The following CNTNAP2 variants were observed in gnomAD, a reference collection of about 807,000 sequenced individuals.
CNTNAP2 encodes contactin-associated protein-like 2.
A neutral mutation model predicts 155.2 loss-of-function variants in CNTNAP2; 98 were observed. The observed-to-expected ratio is 0.63, with a 90% CI of 0.54 to 0.75. The LOEUF (loss-of-function observed/expected upper bound fraction) is 0.75. Among genes scored for constraint, CNTNAP2 ranks in the 30% least tolerant of loss-of-function variants. CNTNAP2 has a pLI of 0.00. For synonymous variants in CNTNAP2, 651 were observed against 631.2 expected (o/e 1.03, Z -0.47); for missense variants, 1,727 against 1,688.1 (o/e 1.02, Z -0.40).
At chr7:148,157,887 C>A (rs142915393) in intron 17 of CNTNAP2, among the ~76,000 whole-genome samples, 9 of 152,180 alleles carry the variant, frequency 5.9e-5, no homozygotes, top group Non-Finnish European at 1.3e-4. Context: ...ATCAATCGAC[C>A]ATATGCAAAG....
chr7:147,668,594 C>CA (rs1265908489), intron 13 of CNTNAP2, among the ~76,000 whole-genome samples: 1 of 149,774 alleles, frequency 6.7e-6, no homozygotes, highest in Non-Finnish European at 1.5e-5. Context: ...TAGTTTTTAA[C>CA]AAAAAAGTTT....
intron 18 of CNTNAP2, among the ~76,000 whole-genome samples, chr7:148,176,820 A>C (rs1794947263): frequency 6.6e-6 from 1 of 152,158 alleles, no homozygotes; most frequent in South Asian, 2.1e-4. Flanking sequence ...GCTGAGGCTG[A>C]GGGGAGAATC....
In CNTNAP2 at chr7:147,831,090, T is replaced by G. The variant is rs189958191; in HGVS notation, c.2099-72475T>G. Among the ~76,000 whole-genome samples, 518 of 152,268 alleles carry G rather than the reference T, an allele frequency of 3.4e-3. 22 individuals are homozygous for G. The South Asian group carries it at 0.088, about 26-fold the overall frequency. ...AGTTAATAATCTCCTGAGACACAAA[T>G]ATGCCTGGTAATATGAGAACAATAA... is the stretch of plus-strand genomic sequence containing the variant. On this transcript the variant is annotated intron_variant, in intron 13 of 23. Transcript: ENST00000361727.
At chr7:148,132,444 TTTC>T (rs1804851709) in intron 16 of CNTNAP2, among the ~76,000 whole-genome samples, 1 of 152,010 alleles carries the variant, frequency 6.6e-6, no homozygotes, top group Non-Finnish European at 1.5e-5. Flanking sequence ...GCTCTAGAAG[TTTC>T]TGATCTAGTT....
intron 1 of CNTNAP2, among the ~76,000 whole-genome samples, chr7:146,338,887 T>TTA (rs141799185): frequency 0.046 from 7,038 of 151,764 alleles, 337 homozygotes; most frequent in African/African-American, 0.12. Context: ...ATTTTTTTTT[T>TTA]AAAAAAGGTT....
Position 146,691,853 on chromosome 7 carries a change from A to G in CNTNAP2, c.98-82418A>G, listed in dbSNP as rs143164023. Among the ~76,000 whole-genome samples, 351 of 152,230 alleles carry G rather than the reference A, an allele frequency of 2.3e-3. 2 individuals carry two copies. The highest frequency in any genetic ancestry group is 6.2e-3 in the African/African-American group (257 of 41,564). ...TAAATTCAACAGTGTTCAGAGATGTATAAAATGGGCAAATTCAGTGACTAC... is the reference window on the plus strand; with the variant it reads ...TAAATTCAACAGTGTTCAGAGATGTGTAAAATGGGCAAATTCAGTGACTAC... On this transcript the variant is annotated intron_variant, in intron 1 of 23. Coordinates refer to ENST00000361727, the MANE Select transcript of CNTNAP2 (RefSeq NM_014141.6).
intron 4 of CNTNAP2, among the ~76,000 whole-genome samples, chr7:147,049,080 G>A (rs1799421595): frequency 6.6e-6 from 1 of 152,138 alleles, no homozygotes; most frequent in African/African-American, 2.4e-5. Flanking sequence ...CCTGCATCTG[G>A]CGAAGGCCTT....
At chr7:146,361,861 T>G (rs906161473) in intron 1 of CNTNAP2, among the ~76,000 whole-genome samples, 2 of 152,198 alleles carry the variant, frequency 1.3e-5, no homozygotes, top group South Asian at 4.1e-4. Context: ...TACTGCATAT[T>G]TGAAGTTTTG....
chr7:146,739,213 A>T (rs1801669232), intron 1 of CNTNAP2, among the ~76,000 whole-genome samples: 1 of 151,742 alleles, frequency 6.6e-6, no homozygotes, highest in Non-Finnish European at 1.5e-5. Context: ...AAGTTTCTTG[A>T]GGTGCAATGT....
chr7:147,856,045 T>C (rs753255409), intron 13 of CNTNAP2, among the ~76,000 whole-genome samples: 1 of 152,154 alleles, frequency 6.6e-6, no homozygotes, highest in Admixed American at 6.5e-5. Context: ...AGAGCTCTGC[T>C]TGATTAGTTT....
At chr7:146,398,184 C>CTTTTTTTT (rs34144986) in intron 1 of CNTNAP2, among the ~76,000 whole-genome samples, 2 of 107,052 alleles carry the variant, frequency 1.9e-5, no homozygotes, top group Non-Finnish European at 1.8e-5. Flanking sequence ...CGGCCCCAAA[C>CTTTTTTTT]TTTTTTTTTT....
chr7:147,978,036 A>C (rs773018415), intron 15 of CNTNAP2, 47 bp downstream of exon 15: 1 of 1,611,444 alleles, frequency 6.2e-7, no homozygotes, highest in Non-Finnish European at 8.5e-7. Flanking sequence ...ATCCCATTTA[A>C]ATATTGTTTC....
At chr7:148,009,639 T>C (rs1448851450) in intron 15 of CNTNAP2, among the ~76,000 whole-genome samples, 1 of 152,138 alleles carries the variant, frequency 6.6e-6, no homozygotes, top group Admixed American at 6.5e-5. Flanking sequence ...TGTGTGTATG[T>C]GTATGTGTGT....
chr7:147,603,762 A>T (rs1157567843), intron 12 of CNTNAP2, among the ~76,000 whole-genome samples: 1 of 152,124 alleles, frequency 6.6e-6, no homozygotes, highest in African/African-American at 2.4e-5. Flanking sequence ...CCACATCACC[A>T]AGTCAATCCT....
chr7:147,225,878 AGAAG>A (rs3084356), intron 8 of CNTNAP2, among the ~76,000 whole-genome samples: 32,591 of 111,406 alleles, frequency 0.29, 5,076 homozygotes, highest in East Asian at 0.7. Flanking sequence ...AAGGAGGGAA[AGAAG>A]GAAGGAAGGA....
chr7:148,135,378 G>A (rs933211829), intron 16 of CNTNAP2, among the ~76,000 whole-genome samples: 1 of 152,124 alleles, frequency 6.6e-6, no homozygotes, highest in African/African-American at 2.4e-5. Context: ...CCTTGCTGTT[G>A]GGCTTAACTT....
rs794727873 is a variant in CNTNAP2, at chr7:147,128,832, A to G, written c.1079A>G (p.Asn360Ser). 5 of 1,613,882 alleles carry G rather than the reference A, an allele frequency of 3.1e-6. 1 individual carries two copies. In the Admixed American group the frequency reaches 8.3e-5, roughly 27 times the overall value. The change falls in exon 7 of 24, where the codon AAT (asparagine) becomes AGT (serine). Residue 360 changes from asparagine (N) to serine (S), a missense_variant. Physicochemically the swap from Asn to Ser is conservative, Grantham distance 46. Transcript: ENST00000361727. ...LARRKKLEPSNVGNLSFSCVE... is the reference protein window; with the variant it reads ...LARRKKLEPSSVGNLSFSCVE... ...AGAAGGAAGAAATTAGAGCCCTCAA[A>G]TGTGGTAAGGATTTTCACCCGCAAA...
At chr7:147,007,720 C>A (rs1798550251) in intron 3 of CNTNAP2, among the ~76,000 whole-genome samples, 1 of 151,066 alleles carries the variant, frequency 6.6e-6, no homozygotes, top group South Asian at 2.1e-4. Flanking sequence ...AATTAAATAT[C>A]TTAAAATATC....
At chr7:147,554,469 G>A (rs1198090240) in intron 11 of CNTNAP2, among the ~76,000 whole-genome samples, 2 of 152,018 alleles carry the variant, frequency 1.3e-5, no homozygotes, top group African/African-American at 4.8e-5. Flanking sequence ...TATGGGGAAG[G>A]GAGAGAGTAG....
Sources: allele counts gnomAD v4.1 joint callset (sites outside exome capture counted in the v4.1 genomes callset), GRCh38; gene constraint gnomAD v4.1.1; transcripts MANE v1.5; gene names NCBI Gene and HGNC (gene_info 2026-07-23, HGNC 2026-07-21).